Variants in TTLL5 observed in about 807,000 individuals in gnomAD.
TTLL5 encodes tubulin tyrosine ligase like 5.
Under a neutral mutation model 168.4 loss-of-function variants are expected in TTLL5, and 132 were observed. The observed-to-expected ratio is 0.78, with a 90% CI of 0.68 to 0.91. The LOEUF (loss-of-function observed/expected upper bound fraction) is 0.91, where lower values mean the gene tolerates loss of function less well. Among genes scored for constraint, TTLL5 ranks in the 40% least tolerant of loss-of-function variants. TTLL5 has a pLI of 0.00. For synonymous variants in TTLL5, 546 were observed against 558.6 expected (o/e 0.98, Z 0.32); for missense variants, 1,545 against 1,581.5 (o/e 0.98, Z 0.39).
At chr14:75,748,609 T>A in intron 17 of TTLL5, among the ~76,000 whole-genome samples, 1 of 152,226 alleles carries the variant, frequency 6.6e-6, no homozygotes, top group East Asian at 1.9e-4. Flanking sequence ...GTTGCTGAAG[T>A]TTTTGTATAG....
At chr14:75,789,172 A>T (rs1036807364) in intron 26 of TTLL5, among the ~76,000 whole-genome samples, 2 of 152,198 alleles carry the variant, frequency 1.3e-5, no homozygotes, top group Non-Finnish European at 2.9e-5. Flanking sequence ...ATTCTCTTTA[A>T]CATTGAGAAC....
intron 31 of TTLL5, among the ~76,000 whole-genome samples, chr14:75,918,274 A>G (rs1208828564): frequency 2.0e-5 from 3 of 152,180 alleles, no homozygotes; most frequent in East Asian, 1.9e-4. Flanking sequence ...TTAGCTGGGC[A>G]CATTGCCTTC....
intron 18 of TTLL5, among the ~76,000 whole-genome samples, chr14:75,758,793 G>A (rs1890444076): frequency 6.6e-6 from 1 of 152,122 alleles, no homozygotes. Flanking sequence ...TAATCCATGG[G>A]TAAAAGAAGA....
intron 5 of TTLL5, 104 bp downstream of exon 5, chr14:75,683,760 T>A: frequency 1.1e-6 from 1 of 898,026 alleles, no homozygotes; most frequent in South Asian, 1.6e-5. Flanking sequence ...AAGATGAAAA[T>A]GAAGAAGAAG....
At chr14:75,849,063 A>G (rs1361507271) in intron 28 of TTLL5, among the ~76,000 whole-genome samples, 1 of 152,218 alleles carries the variant, frequency 6.6e-6, no homozygotes, top group Admixed American at 6.5e-5. Context: ...GGACAGACAT[A>G]TCAGCTTCTA....
chr14:75,909,407 TC>T (rs1397784335), intron 31 of TTLL5, among the ~76,000 whole-genome samples: 1 of 151,146 alleles, frequency 6.6e-6, no homozygotes, highest in Non-Finnish European at 1.5e-5. Context: ...GCCTTGCCTT[TC>T]CTATGGAAGC....
intron 12 of TTLL5, among the ~76,000 whole-genome samples, chr14:75,728,731 C>T: frequency 6.6e-6 from 1 of 151,910 alleles, no homozygotes; most frequent in Admixed American, 6.6e-5. Context: ...CTGAGATTGC[C>T]TAAGGAGAAA....
intron 24 of TTLL5, among the ~76,000 whole-genome samples, chr14:75,780,988 G>T (rs868711534): frequency 9.2e-5 from 14 of 152,152 alleles, no homozygotes; most frequent in Admixed American, 7.9e-4. Flanking sequence ...TAAAAGTCAG[G>T]TGAGTGAATA....
chr14:75,819,616 A>G (rs1472814586), intron 27 of TTLL5, among the ~76,000 whole-genome samples: 6 of 152,178 alleles, frequency 3.9e-5, no homozygotes, highest in African/African-American at 1.4e-4. Flanking sequence ...AATGTTATTT[A>G]TAACTAAAAT....
At chr14:75,680,912 C>T (rs1039682263) in intron 3 of TTLL5, among the ~76,000 whole-genome samples, 1 of 152,060 alleles carries the variant, frequency 6.6e-6, no homozygotes, top group South Asian at 2.1e-4. Context: ...CAGGCGTGAG[C>T]CACCATGCCC....
chr14:75,828,630 G>T (rs1399018624), intron 28 of TTLL5, among the ~76,000 whole-genome samples: 2 of 152,162 alleles, frequency 1.3e-5, no homozygotes. Context: ...CCCAACCCCT[G>T]TATTGTTCAA....
rs553210762 is a variant in TTLL5, at chr14:75,730,362, AAGAAG to A, written c.1043-1972_1043-1968del. Among the ~76,000 whole-genome samples, 11 of 152,340 alleles carry A rather than the reference AAGAAG, an allele frequency of 7.2e-5. No homozygotes were observed. The South Asian group carries it at 2.1e-3, about 29-fold the overall frequency. ...TTAAAAGCTATGAATTCATTGCGAA[AAGAAG>A]AGATGAAAGAGCTTCCTTTTCTTTA... is the stretch of plus-strand genomic sequence containing the variant. On this transcript the variant is annotated intron_variant, in intron 12 of 31. Coordinates refer to ENST00000298832, the MANE Select transcript of TTLL5 (RefSeq NM_015072.5).
At chr14:75,668,986 A>G (rs1225622818) in intron 2 of TTLL5, among the ~76,000 whole-genome samples, 1 of 152,182 alleles carries the variant, frequency 6.6e-6, no homozygotes. Flanking sequence ...TCTTCTTTCA[A>G]GGTCACAAAA....
intron 2 of TTLL5, among the ~76,000 whole-genome samples, chr14:75,669,142 A>G (rs1323924325): frequency 1.3e-5 from 2 of 152,206 alleles, no homozygotes; most frequent in Non-Finnish European, 2.9e-5. Context: ...ATGGGCTCCA[A>G]TTGGTTTATG....
chr14:75,862,785 A>AT (rs1315017840), intron 28 of TTLL5, among the ~76,000 whole-genome samples: 2 of 152,174 alleles, frequency 1.3e-5, no homozygotes, highest in East Asian at 3.9e-4. Context: ...CTACAAAAAA[A>AT]ATATATAAAA....
intron 26 of TTLL5, among the ~76,000 whole-genome samples, chr14:75,786,141 T>C (rs1409369915): frequency 2.6e-5 from 4 of 152,194 alleles, no homozygotes; most frequent in Non-Finnish European, 4.4e-5. Context: ...GTCATAAATA[T>C]GAATATATAC....
At chr14:75,929,805 A>T (rs990829727) in intron 31 of TTLL5, among the ~76,000 whole-genome samples, 1 of 152,020 alleles carries the variant, frequency 6.6e-6, no homozygotes, top group Non-Finnish European at 1.5e-5. Context: ...ACCTGGAACC[A>T]TTTTTCCTAT....
intron 31 of TTLL5, among the ~76,000 whole-genome samples, chr14:75,910,316 G>A (rs2140109230): frequency 6.6e-6 from 1 of 152,308 alleles, no homozygotes. Context: ...TGGATTGTTA[G>A]AATTGTGCCT....
rs79653182 is a variant in TTLL5, at chr14:75,783,732, T to C, written c.2986+202T>C. On this transcript the variant is annotated intron_variant, in intron 26 of 31. Coordinates refer to ENST00000298832, the MANE Select transcript of TTLL5 (RefSeq NM_015072.5). ...CATTGACACAAAGGGAAACAGGACT[T>C]CTTTTAGGTACTGGAGATAAAGAGA... Among the ~76,000 whole-genome samples, 627 of 152,302 alleles carry C rather than the reference T, an allele frequency of 4.1e-3. 2 individuals are homozygous for C. Among genetic ancestry groups the C allele is most frequent in the East Asian group, 0.014 (75 of 5,188 alleles).
Sources: allele counts gnomAD v4.1 joint callset (sites outside exome capture counted in the v4.1 genomes callset), GRCh38; gene constraint gnomAD v4.1.1; transcripts MANE v1.5; gene names NCBI Gene and HGNC (gene_info 2026-07-23, HGNC 2026-07-21).